CEP152: variants seen among roughly 807,000 people sequenced by gnomAD.
CEP152 encodes centrosomal protein of 152 kDa.
In CEP152, 132 loss-of-function variants were observed where a neutral mutation model predicts 188.9. The observed-to-expected ratio is 0.70, with a 90% confidence interval of 0.61 to 0.81. The LOEUF (loss-of-function observed/expected upper bound fraction) is 0.81. CEP152 is among the 30% of genes least tolerant of loss of function. The pLI, the probability that CEP152 is intolerant of heterozygous loss-of-function variation, is 0.00. For synonymous variants in CEP152, 649 were observed against 666.6 expected (o/e 0.97, Z 0.41); for missense variants, 1,914 against 1,969.8 (o/e 0.97, Z 0.54).
rs1384319834 is a variant in CEP152 at position 48,791,369 on chromosome 15, C to A, written c.840G>T (p.Lys280Asn). ...NHQLVIIKDEKDGLTLSLRES... is the reference protein window; with the variant it reads ...NHQLVIIKDENDGLTLSLRES... ...CTCGAAGGCTGAGAGTCAAACCATC[C>A]TTTTCATCTACGGTATTAAAAATGT... The change falls in exon 8 of 27, where the codon AAG (lysine) becomes AAT (asparagine). Residue 280 changes from lysine to asparagine, a missense_variant. Transcript: ENST00000380950. The A allele has an allele frequency of 6.2e-7, 1 of 1,611,628 alleles. No homozygotes were observed. The highest frequency in any genetic ancestry group is 8.5e-7 in the Non-Finnish European group (1 of 1,179,366).
intron 1 of CEP152, among the ~76,000 whole-genome samples, chr15:48,808,525 C>T (rs918692491): frequency 3.3e-5 from 5 of 151,886 alleles, no homozygotes; most frequent in Non-Finnish European, 7.4e-5. Flanking sequence ...ACTGACATGA[C>T]AATTTATTTT....
rs116856105 is a variant in CEP152 at position 48,808,395 on chromosome 15, C to T, written c.-8+2566G>A. 3.6e-3 allele frequency among the ~76,000 whole-genome samples: 546 copies of T among 151,504 alleles called. 5 individuals carry two copies. Among genetic ancestry groups the T allele is most frequent in the Admixed American group, 6.2e-3 (94 of 15,234 alleles). ...GTCAAATATTATATATGAAAAAATA[C>T]ATCAATAACAAAGTCAAGAAAAATA... is the stretch of plus-strand genomic sequence containing the variant. On this transcript the variant is annotated intron_variant, in intron 1 of 26. Coordinates refer to ENST00000380950, the MANE Select transcript of CEP152 (RefSeq NM_001194998.2).
chr15:48,796,920 G>A (rs1380399826), intron 5 of CEP152, among the ~76,000 whole-genome samples: 1 of 152,142 alleles, frequency 6.6e-6, no homozygotes, highest in Non-Finnish European at 1.5e-5. Flanking sequence ...GAAATTAAAT[G>A]TTGCCACCTA....
In CEP152 at chr15:48,768,279, C is replaced by T. The variant is rs1348867078; in HGVS notation, c.1958G>A (p.Cys653Tyr). The T allele has an allele frequency of 6.2e-7, 1 of 1,612,340 alleles. No individual in the cohort carries two copies. The highest frequency in any genetic ancestry group is 8.5e-7 in the Non-Finnish European group (1 of 1,178,422). ...GKLRNTNQDLCNQMRQMVQDF... is the reference protein window; with the variant it reads ...GKLRNTNQDLYNQMRQMVQDF... ...TTGTACCATTTGTCTCATTTGATTA[C>T]ATAAGTCTTGATTTGTATTTCTCAG... The change falls in exon 15 of 27, where the codon TGT becomes TAT. Residue 653 changes from cysteine to tyrosine, a missense_variant. Physicochemically the swap from Cys to Tyr is radical, Grantham distance 194. Coordinates refer to ENST00000380950, the MANE Select transcript of CEP152 (RefSeq NM_001194998.2).
rs894890322 is a variant in CEP152, at chr15:48,787,167, T to G, written c.1173+1634A>C. ...CAATAATTTGGTATAGCCTTCGTTTTTTTTTTTTTTTTTTTCTGGAAAAAG... is the reference window on the plus strand; with the variant it reads ...CAATAATTTGGTATAGCCTTCGTTTGTTTTTTTTTTTTTTTCTGGAAAAAG... On this transcript the variant is annotated intron_variant, in intron 9 of 26. Coordinates refer to ENST00000380950, the MANE Select transcript of CEP152 (RefSeq NM_001194998.2). Among the ~76,000 whole-genome samples, 8 of 139,276 alleles carry G rather than the reference T, an allele frequency of 5.7e-5. No homozygotes were observed. In the Admixed American group the frequency reaches 5.7e-4, roughly 10 times the overall value. 91.4% of individuals were successfully genotyped at this position (139,276 alleles called of 152,430 possible).
intron 8 of CEP152, chr15:48,789,405 C>T: frequency 4.2e-6 from 1 of 239,102 alleles, no homozygotes; most frequent in Non-Finnish European, 8.3e-6. Flanking sequence ...CCTTGAAAGA[C>T]TGATGAAACC....
At chr15:48,766,966 A>G in intron 17 of CEP152, 94 bp downstream of exon 17, 5 of 1,523,626 alleles carry the variant, frequency 3.3e-6, no homozygotes, top group Non-Finnish European at 4.5e-6. Context: ...TACCTTCTCC[A>G]TTCACTTCTC....
intron 1 of CEP152, among the ~76,000 whole-genome samples, chr15:48,808,590 G>A (rs893725013): frequency 6.6e-6 from 1 of 151,808 alleles, no homozygotes; most frequent in Non-Finnish European, 1.5e-5. Context: ...ATGTTTCAAA[G>A]AAGTGTCATT....
intron 24 of CEP152, among the ~76,000 whole-genome samples, chr15:48,743,596 C>T (rs1242476593): frequency 6.6e-6 from 1 of 152,194 alleles, no homozygotes; most frequent in Admixed American, 6.5e-5. Flanking sequence ...GGCACAGTGG[C>T]TCACGCCCGT....
intron 24 of CEP152, among the ~76,000 whole-genome samples, chr15:48,743,328 T>C (rs905589328): frequency 2.6e-5 from 4 of 152,226 alleles, no homozygotes; most frequent in Non-Finnish European, 4.4e-5. Flanking sequence ...GAAGTTAATA[T>C]ACATTTTTCC....
At chr15:48,731,631 G>C (rs1892426045) in intron 2 of CEP152, among the ~76,000 whole-genome samples, 1 of 152,180 alleles carries the variant, frequency 6.6e-6, no homozygotes, top group African/African-American at 2.4e-5. Context: ...CATAGGAAAA[G>C]ACTTTATGAC....
chr15:48,741,480 C>T, intron 26 of CEP152, 121 bp downstream of exon 26: 1 of 1,575,834 alleles, frequency 6.3e-7, no homozygotes, highest in Non-Finnish European at 8.6e-7. Context: ...TTAAGTAAAA[C>T]ATACAAAACT....
chr15:48,764,278 C>A (rs2140729117), intron 17 of CEP152, among the ~76,000 whole-genome samples: 1 of 152,248 alleles, frequency 6.6e-6, no homozygotes. Context: ...TGTTTAATAT[C>A]AGTTTCTTGA....
chr15:48,754,382 AAC>A (rs1894107354), intron 20 of CEP152, among the ~76,000 whole-genome samples: 1 of 152,138 alleles, frequency 6.6e-6, no homozygotes, highest in Admixed American at 6.6e-5. Flanking sequence ...TGATTTTTAT[AAC>A]AGATTTTATA....
chr15:48,736,110 T>C (rs1314575419), downstream of CEP152, among the ~76,000 whole-genome samples: 2 of 152,152 alleles, frequency 1.3e-5, no homozygotes, highest in Non-Finnish European at 2.9e-5. Flanking sequence ...AAATTATGAA[T>C]AGCTCTATAA....
chr15:48,793,294 C>T, intron 7 of CEP152, 27 bp downstream of exon 7: 2 of 1,612,850 alleles, frequency 1.2e-6, no homozygotes, highest in Non-Finnish European at 1.7e-6. Flanking sequence ...CAGTGTACCT[C>T]ATAAATGACA....
At chr15:48,743,770 G>A (rs1893197856) in intron 24 of CEP152, among the ~76,000 whole-genome samples, 1 of 152,120 alleles carries the variant, frequency 6.6e-6, no homozygotes, top group African/African-American at 2.4e-5. Flanking sequence ...GGCTGAGGCT[G>A]GAGAATTGCT....
At chr15:48,786,993 C>G (rs566449618) in intron 9 of CEP152, among the ~76,000 whole-genome samples, 1 of 152,198 alleles carries the variant, frequency 6.6e-6, no homozygotes, top group African/African-American at 2.4e-5. Flanking sequence ...CCACTCTTCT[C>G]CAGTCATCCA....
rs75994436 is a variant in CEP152 at position 48,772,501 on chromosome 15, T to A, written c.1768A>T (p.Ser590Cys). 1 of 1,612,592 alleles carries A rather than the reference T, an allele frequency of 6.2e-7. No homozygotes were observed. The highest frequency in any genetic ancestry group is 1.3e-5 in the African/African-American group (1 of 75,056). Reference sequence around the variant, plus strand: ...GCTTTACATACCTCAACCTCAATGCTTTTTTCATCCTTCTTCACTTGGTGG... The same window carrying A: ...GCTTTACATACCTCAACCTCAATGCATTTTTCATCCTTCTTCACTTGGTGG... ...DLHQVKKDEK[S>C]IEVETKTDTS... The change falls in exon 13 of 27, where the codon AGC (serine) becomes TGC (cysteine). Residue 590 changes from serine to cysteine, a missense_variant. Coordinates refer to ENST00000380950, the MANE Select transcript of CEP152 (RefSeq NM_001194998.2).
Sources: gnomAD v4.1 joint callset for allele counts (sites outside exome capture counted in the v4.1 genomes callset) on GRCh38, gnomAD v4.1.1 for gene constraint, MANE v1.5 for transcripts, NCBI Gene and HGNC (gene_info 2026-07-23, HGNC 2026-07-21) for gene names.